The following ARAP2 variants were observed in gnomAD, a reference collection of about 807,000 sequenced individuals.
The protein encoded by ARAP2 is ArfGAP with RhoGAP domain, ankyrin repeat and PH domain 2, also known as arf-GAP with Rho-GAP domain, ANK repeat and PH domain-containing protein 2.
ARAP2 carries 148 observed loss-of-function variants against 194.5 expected under a neutral mutation model. That is an observed-to-expected ratio of 0.76 (90% CI 0.67 to 0.87). The LOEUF is 0.87. Ranked by LOEUF, ARAP2 falls within the 40% of genes least tolerant of loss-of-function variation. The probability of loss-of-function intolerance (pLI) is 0.00; values close to 1 mark genes in which losing one functional copy is unlikely to be tolerated. For missense variants in ARAP2, 2,128 were observed against 1,989.7 expected, an observed-to-expected ratio of 1.07 and a Z score of -1.32; for synonymous variants, 695 against 683.5, an observed-to-expected ratio of 1.02 and a Z score of -0.26.
At chr4:36,176,387 C>A (rs887859500) in intron 9 of ARAP2, among the ~76,000 whole-genome samples, 3 of 152,124 alleles carry the variant, frequency 2.0e-5, no homozygotes, top group African/African-American at 7.2e-5. Flanking sequence ...TTTCACTAAT[C>A]AGAAAGTGTT....
intron 28 of ARAP2, among the ~76,000 whole-genome samples, chr4:36,090,798 G>A (rs1017137628): frequency 6.6e-6 from 1 of 151,982 alleles, no homozygotes; most frequent in Non-Finnish European, 1.5e-5. Flanking sequence ...CAACTAATAA[G>A]CACTAGGCTT....
chr4:36,153,805 ACTC>A (rs1395389111), intron 15 of ARAP2, among the ~76,000 whole-genome samples: 3 of 152,032 alleles, frequency 2.0e-5, no homozygotes, highest in African/African-American at 4.8e-5. Context: ...GCCCTTCACT[ACTC>A]CTCCTCTTCA....
intron 5 of ARAP2, among the ~76,000 whole-genome samples, chr4:36,039,623 C>A (rs1349944289): frequency 6.6e-6 from 1 of 152,160 alleles, no homozygotes; most frequent in African/African-American, 2.4e-5. Context: ...AAATTTGCTT[C>A]CTTCCCAAGC....
intron 18 of ARAP2, 28 bp downstream of exon 18, chr4:36,147,520 A>C: frequency 1.3e-6 from 2 of 1,592,812 alleles, no homozygotes; most frequent in Non-Finnish European, 1.7e-6. Context: ...AAAGTGTTCC[A>C]AAGATAAGGG....
chr4:36,158,876 A>G lies in ARAP2; in HGVS notation c.2618-12T>C. 6.3e-7 allele frequency: 1 copy of G among 1,579,964 alleles called. No individual in the cohort carries two copies. ...ATGTTGAGGGAAATCTAGAAAAATT[A>G]AAGAAATAAGGCACAAGAAATCTAA... On this transcript the variant is annotated splice_polypyrimidine_tract_variant and intron_variant, in intron 14 of 32. Transcript: ENST00000303965.
intron 8 of ARAP2, among the ~76,000 whole-genome samples, chr4:36,181,423 GA>G (rs1328720706): frequency 6.6e-6 from 1 of 151,928 alleles, no homozygotes; most frequent in East Asian, 1.9e-4. Context: ...AGAGGTTTAA[GA>G]AAAATCGAGA....
chr4:36,019,899 C>G (rs879523184), intron 5 of ARAP2, among the ~76,000 whole-genome samples: 1 of 152,086 alleles, frequency 6.6e-6, no homozygotes, highest in Non-Finnish European at 1.5e-5. Flanking sequence ...TCTTCCAAGA[C>G]CCTCAGTGGA....
chr4:36,108,913 T>C (rs1342172938), intron 26 of ARAP2, among the ~76,000 whole-genome samples: 1 of 151,980 alleles, frequency 6.6e-6, no homozygotes, highest in East Asian at 1.9e-4. Flanking sequence ...AAAAGTCAAT[T>C]CAACTCTTTC....
chr4:36,025,790 T>A (rs574368147), intron 5 of ARAP2, among the ~76,000 whole-genome samples: 1 of 151,964 alleles, frequency 6.6e-6, no homozygotes, highest in South Asian at 2.1e-4. Flanking sequence ...AGGAAAAAAA[T>A]CAAAAAATGA....
At chr4:36,233,179 C>T (rs1751837906) in intron 1 of ARAP2, among the ~76,000 whole-genome samples, 1 of 152,174 alleles carries the variant, frequency 6.6e-6, no homozygotes, top group Non-Finnish European at 1.5e-5. Context: ...TTCTTAGATG[C>T]TCTAGCCCCA....
At chr4:36,185,467 T>C (rs1237884012) in intron 8 of ARAP2, among the ~76,000 whole-genome samples, 6 of 152,060 alleles carry the variant, frequency 3.9e-5, no homozygotes, top group African/African-American at 1.4e-4. Flanking sequence ...GCTGCTCCAG[T>C]GTGAAGGCCG....
At chr4:36,116,278 T>C (rs1034683467) in intron 25 of ARAP2, among the ~76,000 whole-genome samples, 6 of 151,894 alleles carry the variant, frequency 4.0e-5, no homozygotes, top group Non-Finnish European at 7.4e-5. Flanking sequence ...CAAATATATC[T>C]AATGTTGTGA....
intron 9 of ARAP2, among the ~76,000 whole-genome samples, chr4:36,011,495 C>T (rs1457789303): frequency 1.3e-5 from 2 of 152,140 alleles, no homozygotes; most frequent in Non-Finnish European, 1.5e-5. Context: ...CTCACATCTT[C>T]AGTTTCCCAG....
intron 6 of ARAP2, among the ~76,000 whole-genome samples, chr4:36,202,696 A>G (rs1560656776): frequency 6.6e-6 from 1 of 152,190 alleles, no homozygotes. Flanking sequence ...TATATAAAAT[A>G]CAACGTGAAC....
chr4:36,103,178 T>C (rs1378742918), intron 27 of ARAP2, among the ~76,000 whole-genome samples: 1 of 151,812 alleles, frequency 6.6e-6, no homozygotes. Flanking sequence ...CTAATGCAAA[T>C]TTAATTCCAT....
intron 3 of ARAP2, among the ~76,000 whole-genome samples, chr4:36,050,867 G>A (rs985839913): frequency 3.3e-5 from 5 of 152,090 alleles, no homozygotes. Context: ...ACAAGTATTT[G>A]CCTAAGTCTT....
At position 36,068,031 on chromosome 4, in the gene ARAP2, T is replaced by C; in HGVS notation, c.4991A>G (p.Asn1664Ser). Reference sequence around the variant, plus strand: ...ATCAGAGTCCAAAGTAGCTTTGCTATTCCTGTCCTCAGTCTTCCTCAATGT... The same window carrying C: ...ATCAGAGTCCAAAGTAGCTTTGCTACTCCTGTCCTCAGTCTTCCTCAATGT... ...LKTLRKTEDR[N>S]SKATLDSDHK... The change falls in exon 33 of 33, where the codon AAT becomes AGT. Residue 1664 changes from asparagine to serine, a missense_variant. Physicochemically the swap from Asn to Ser is conservative, Grantham distance 46. Coordinates refer to ENST00000303965, the MANE Select transcript of ARAP2 (RefSeq NM_015230.4). The C allele has an allele frequency of 5.6e-6, 9 of 1,614,204 alleles. 1 individual carries two copies. The South Asian group carries it at 9.9e-5, about 18-fold the overall frequency.
intron 26 of ARAP2, among the ~76,000 whole-genome samples, chr4:36,110,972 T>A (rs557318987): frequency 6.6e-6 from 1 of 152,058 alleles, no homozygotes; most frequent in African/African-American, 2.4e-5. Flanking sequence ...TTTATTTTTA[T>A]ATTTTAATTA....
intron 28 of ARAP2, among the ~76,000 whole-genome samples, chr4:36,085,411 A>T (rs1711525454): frequency 6.6e-6 from 1 of 152,098 alleles, no homozygotes; most frequent in African/African-American, 2.4e-5. Flanking sequence ...TTAGACAGAA[A>T]TTTTTTTGTT....
Sources: gnomAD v4.1 joint callset for allele counts (sites outside exome capture counted in the v4.1 genomes callset) on GRCh38, gnomAD v4.1.1 for gene constraint, MANE v1.5 for transcripts, NCBI Gene and HGNC (gene_info 2026-07-23, HGNC 2026-07-21) for gene names.